GOLGB1: variants seen among roughly 807,000 people sequenced by gnomAD.
GOLGB1 encodes golgin B1.
GOLGB1 carries 174 observed loss-of-function variants against 336.9 expected under a neutral mutation model. That is an observed-to-expected ratio of 0.52 (90% CI 0.46 to 0.59). The LOEUF (loss-of-function observed/expected upper bound fraction) is 0.59. Ranked by LOEUF, GOLGB1 falls within the 20% of genes least tolerant of loss-of-function variation. The pLI is 0.00. For synonymous variants in GOLGB1, 1,208 were observed against 1,289.2 expected (o/e 0.94, Z 1.35); for missense variants, 3,331 against 3,645.3 (o/e 0.91, Z 2.22).
chr3:121,677,495 C>T (rs1159365520), intron 15 of GOLGB1, 45 bp from the exon 16 acceptor site: 2 of 1,357,774 alleles, frequency 1.5e-6, no homozygotes, highest in East Asian at 2.3e-5. Context: ...ATACTTGTAA[C>T]TGGGCATGGT....
Position 121,691,746 on chromosome 3 carries a change from G to A in GOLGB1, c.7618C>T (p.Gln2540Ter). The change falls in exon 14 of 22, where the codon CAA becomes TAA. Residue 2540 changes from glutamine to a stop codon, truncating the protein, a stop_gained. Coordinates refer to ENST00000614479, the MANE Select transcript of GOLGB1 (RefSeq NM_001366282.2). LOFTEE classifies it high-confidence loss of function. ...ENAKLDAELI[Q>*]YREDLNQVIT... is the part of the protein sequence containing the mutation. ...ACTTGGTTCAGGTCTTCTCTATATT[G>A]GATCAGTTCTGCATCTAGCTTGGCA... 6.2e-7 allele frequency: 1 copy of A among 1,613,294 alleles called. No homozygotes were observed. Among genetic ancestry groups the A allele is most frequent in the Non-Finnish European group, 8.5e-7 (1 of 1,179,420 alleles).
intron 20 of GOLGB1, 26 bp downstream of exon 20, chr3:121,667,450 C>T (rs750007430): frequency 2.5e-6 from 4 of 1,607,862 alleles, no homozygotes; most frequent in Non-Finnish European, 3.4e-6. Flanking sequence ...CGGAAGGGAA[C>T]AGAGGCTATC....
At chr3:121,667,989 G>T in intron 19 of GOLGB1, 72 bp downstream of exon 19, 1 of 747,516 alleles carries the variant, frequency 1.3e-6, no homozygotes, top group Non-Finnish European at 2.3e-6. Flanking sequence ...AAGGACTCCA[G>T]TTAAATCTAG....
intron 15 of GOLGB1, 49 bp downstream of exon 15, chr3:121,681,638 T>A: frequency 7.7e-7 from 1 of 1,295,618 alleles, no homozygotes; most frequent in Non-Finnish European, 1.1e-6. Context: ...TATTTCAAAA[T>A]AAAAAGTTAA....
intron 10 of GOLGB1, among the ~76,000 whole-genome samples, chr3:121,707,225 C>CAAAAAAAAAAAA (rs554313106): frequency 3.2e-5 from 3 of 93,662 alleles, no homozygotes; most frequent in African/African-American, 4.5e-5. Context: ...GACTCCATCT[C>CAAAAAAAAAAAA]AAAAAAAAAA....
chr3:121,702,454 A>G, intron 11 of GOLGB1, 27 bp downstream of exon 11: 1 of 1,017,796 alleles, frequency 9.8e-7, no homozygotes, highest in Non-Finnish European at 1.4e-6. Context: ...AAGAAGACAG[A>G]GAATTATGGT....
At chr3:121,673,893 G>C (rs1397466260) in intron 17 of GOLGB1, among the ~76,000 whole-genome samples, 1 of 151,994 alleles carries the variant, frequency 6.6e-6, no homozygotes, top group Admixed American at 6.6e-5. Flanking sequence ...GCTAATTTTT[G>C]TATTTTTAGT....
At chr3:121,712,761 A>G (rs1262463106) in intron 10 of GOLGB1, among the ~76,000 whole-genome samples, 1 of 152,206 alleles carries the variant, frequency 6.6e-6, no homozygotes, top group Non-Finnish European at 1.5e-5. Flanking sequence ...ATGAAATACC[A>G]CTACATACCC....
At chr3:121,665,119 A>C in intron 20 of GOLGB1, 88 bp from the exon 21 acceptor site, 1 of 753,148 alleles carries the variant, frequency 1.3e-6, no homozygotes, top group Non-Finnish European at 2.3e-6. Context: ...CTGCCACACA[A>C]TGCAGCACAG....
In GOLGB1 at chr3:121,697,914, G is replaced by A. The variant is rs1248696006; in HGVS notation, c.2609C>T (p.Ser870Phe). Reference sequence around the variant, plus strand: ...AAGTTCCTTCTGTGAAAGAGCCTGGGACAGTTCTTCCACTTTACTTGAGAT... The same window carrying A: ...AAGTTCCTTCTGTGAAAGAGCCTGGAACAGTTCTTCCACTTTACTTGAGAT... Reference protein sequence around the residue: ...RHISSKVEELSQALSQKELEI... With the variant: ...RHISSKVEELFQALSQKELEI... The change falls in exon 13 of 22, where the codon TCC becomes TTC. Residue 870 changes from serine to phenylalanine, a missense_variant. Physicochemically the swap from Ser to Phe is radical, Grantham distance 155. Coordinates refer to ENST00000614479, the MANE Select transcript of GOLGB1 (RefSeq NM_001366282.2). 1.4e-5 allele frequency: 23 copies of A among 1,613,790 alleles called. No homozygotes were observed. In the East Asian group the frequency reaches 2.9e-4, roughly 20 times the overall value.
Position 121,695,207 on chromosome 3 carries a change from T to C in GOLGB1, c.5316A>G (p.Val1772=), listed in dbSNP as rs1302844617. Residue 1772 remains valine, a synonymous_variant, in exon 13 of 22, where the codon GTA becomes GTG. Transcript: ENST00000614479. ...QDLKHQIEGN[V]SKQANLEATE... ...TGGCCTCTAGGTTAGCTTGTTTAGA[T>C]ACATTACCTTCTATCTGATGCTTTA... 1 of 1,613,732 alleles carries C rather than the reference T, an allele frequency of 6.2e-7. No individual in the cohort carries two copies. Among genetic ancestry groups the C allele is most frequent in the East Asian group, 2.2e-5 (1 of 44,870 alleles).
chr3:121,693,990 ACTTC>A lies in GOLGB1; in HGVS notation c.6529_6532del (p.Glu2177PhefsTer12). Reference sequence around the variant, plus strand: ...GTCCAAGTTTTCCTGAAGTTGCTGAACTTCCTTGTCTTTCTTGTTCAAAGTAACC... The same window carrying A: ...GTCCAAGTTTTCCTGAAGTTGCTGAACTTGTCTTTCTTGTTCAAAGTAACC... On this transcript the variant is annotated frameshift_variant, in exon 13 of 22. Coordinates refer to ENST00000614479, the MANE Select transcript of GOLGB1 (RefSeq NM_001366282.2). LOFTEE classifies it high-confidence loss of function. 6.2e-7 allele frequency: 1 copy of A among 1,614,144 alleles called. No individual in the cohort carries two copies. Among genetic ancestry groups the A allele is most frequent in the South Asian group, 1.1e-5 (1 of 91,078 alleles).
chr3:121,727,033 C>T lies in GOLGB1; in HGVS notation c.411G>A (p.Lys137=). 6.4e-7 allele frequency: 1 copy of T among 1,559,434 alleles called. No individual in the cohort carries two copies. Among genetic ancestry groups the T allele is most frequent in the Admixed American group, 1.7e-5 (1 of 57,300 alleles). The change falls in exon 5 of 22, where the codon AAG becomes AAA. Residue 137 remains lysine, a synonymous_variant. Coordinates refer to ENST00000614479, the MANE Select transcript of GOLGB1 (RefSeq NM_001366282.2). ...QSEEQLSKHD[K]SSTEEEMEIE... ...TTTCCATCTCTTCCTCTGTAGAACT[C>T]TTGTCATGCTGAAAATGCAGGAGAT...
chr3:121,725,042 T>C (rs1404827074), intron 5 of GOLGB1, among the ~76,000 whole-genome samples: 1 of 152,034 alleles, frequency 6.6e-6, no homozygotes, highest in African/African-American at 2.4e-5. Flanking sequence ...TGTCGAAGGA[T>C]GTCATCAATA....
chr3:121,719,923 G>A (rs1469347065), intron 6 of GOLGB1, among the ~76,000 whole-genome samples, 155 bp from the exon 7 acceptor site: 2 of 152,194 alleles, frequency 1.3e-5, no homozygotes, highest in African/African-American at 4.8e-5. Context: ...TTGGAAGAGA[G>A]ATAGGCTGGA....
chr3:121,738,270 C>T (rs1576477478), intron 1 of GOLGB1, among the ~76,000 whole-genome samples: 1 of 152,180 alleles, frequency 6.6e-6, no homozygotes, highest in African/African-American at 2.4e-5. Flanking sequence ...AAATAACCAA[C>T]TGATGGGATT....
At chr3:121,690,310 A>C (rs1231363973) in intron 14 of GOLGB1, among the ~76,000 whole-genome samples, 1 of 152,234 alleles carries the variant, frequency 6.6e-6, no homozygotes, top group African/African-American at 2.4e-5. Context: ...GAAGGCACTA[A>C]GTGATCCTTT....
At position 121,667,635 on chromosome 3, in the gene GOLGB1, A is replaced by T. The variant is rs886576951; in HGVS notation, c.9420-25T>A. Reference sequence around the variant, plus strand: ...GCTTTAGGATGAGAGGAAAACAAAAAGCATCATCAGATGCAGAAAACAGTT... The same window carrying T: ...GCTTTAGGATGAGAGGAAAACAAAATGCATCATCAGATGCAGAAAACAGTT... On this transcript the variant is annotated intron_variant, in intron 19 of 21. Transcript: ENST00000614479. The T allele has an allele frequency of 3.1e-6, 5 of 1,609,972 alleles. No homozygotes were observed. The African/African-American group carries it at 6.7e-5, about 22-fold the overall frequency.
chr3:121,722,094 C>T (rs1245831634), intron 6 of GOLGB1, among the ~76,000 whole-genome samples, 168 bp downstream of exon 6: 1 of 152,202 alleles, frequency 6.6e-6, no homozygotes, highest in Admixed American at 6.5e-5. Flanking sequence ...TTACCTACCA[C>T]ACATCTCCTA....
Sources: allele counts gnomAD v4.1 joint callset (sites outside exome capture counted in the v4.1 genomes callset), GRCh38; gene constraint gnomAD v4.1.1; transcripts MANE v1.5; gene names NCBI Gene and HGNC (gene_info 2026-07-23, HGNC 2026-07-21).